The following WDR12 variants were observed in gnomAD, a reference collection of about 807,000 sequenced individuals.
The protein encoded by WDR12 is WD repeat domain 12.
WDR12 carries 42 observed loss-of-function variants against 64.3 expected under a neutral mutation model. The ratio of observed to expected loss-of-function variants is 0.65; its 90% CI spans 0.51 to 0.84. WDR12 has a LOEUF of 0.84. WDR12 is among the 40% of genes least tolerant of loss of function. WDR12 has a pLI of 0.00. For missense variants in WDR12, 469 were observed against 494.6 expected (o/e 0.95, Z 0.49); for synonymous variants, 158 against 173.3 (o/e 0.91, Z 0.70).
chr2:202,880,866 C>A lies in WDR12; in HGVS notation c.1266G>T (p.Gly422=). Residue 422 remains glycine, a synonymous_variant, in exon 13 of 13, where the codon GGG becomes GGT. Transcript: ENST00000261015. ...GTCAAATTATTGTTCACTTTCATGCCCCAACATGGGAAGTGGTAGGTGAAT... is the reference window on the plus strand; with the variant it reads ...GTCAAATTATTGTTCACTTTCATGCACCAACATGGGAAGTGGTAGGTGAAT... ...YRYSPTTSHV[G]A 3 of 1,608,702 alleles carry A rather than the reference C, an allele frequency of 1.9e-6. No homozygotes were observed. Among genetic ancestry groups the A allele is most frequent in the Non-Finnish European group, 2.5e-6 (3 of 1,177,542 alleles).
At chr2:202,889,867 T>C (rs1239925860) in intron 8 of WDR12, among the ~76,000 whole-genome samples, 1 of 150,826 alleles carries the variant, frequency 6.6e-6, no homozygotes, top group African/African-American at 2.4e-5. Flanking sequence ...AGCTGAGCCA[T>C]GATTATGCCA....
At chr2:202,909,300 G>A (rs1688521336) in intron 1 of WDR12, among the ~76,000 whole-genome samples, 1 of 152,212 alleles carries the variant, frequency 6.6e-6, no homozygotes, top group Admixed American at 6.5e-5. Context: ...CCCACCAGCT[G>A]ATGAATGGAA....
Position 202,881,413 on chromosome 2 carries a change from T to C in WDR12, c.1195-476A>G, listed in dbSNP as rs371355270. Among the ~76,000 whole-genome samples, 4 of 152,166 alleles carry C rather than the reference T, an allele frequency of 2.6e-5. No individual in the cohort carries two copies. The East Asian group carries it at 7.7e-4, about 29-fold the overall frequency. On this transcript the variant is annotated intron_variant, in intron 12 of 12. Transcript: ENST00000261015. ...TTTTATAATGCAGACTTATGCAAGA[T>C]TTTTCCAACTGGTAAACACTTTGAT... is the stretch of plus-strand genomic sequence containing the variant.
At chr2:202,907,330 T>C (rs1417528198) in intron 2 of WDR12, among the ~76,000 whole-genome samples, 1 of 152,242 alleles carries the variant, frequency 6.6e-6, no homozygotes, top group Non-Finnish European at 1.5e-5. Flanking sequence ...TACAATAGTA[T>C]ATATTTAATA....
intron 8 of WDR12, among the ~76,000 whole-genome samples, chr2:202,890,996 TAA>T (rs71030997): frequency 1.8e-5 from 2 of 111,166 alleles, no homozygotes; most frequent in African/African-American, 6.9e-5. Flanking sequence ...TTTGTCTCTT[TAA>T]AAAAAAAAAA....
In WDR12 at chr2:202,907,956, A is replaced by G. The variant is rs778544316; in HGVS notation, c.45T>C (p.Tyr15=). The part of the protein sequence containing the change: ...QTRFYTDNKK[Y]AVDDVPFSIP... ...TTGAGAAGGGAACATCATCTACGGC[A>G]TATCTATAAAAAGGAAATGATATGT... is the stretch of plus-strand genomic sequence containing the variant. Residue 15 remains tyrosine (Y), a synonymous_variant, in exon 2 of 13, where the codon TAT becomes TAC. Coordinates refer to ENST00000261015, the MANE Select transcript of WDR12 (RefSeq NM_018256.4). The G allele has an allele frequency of 6.2e-7, 1 of 1,613,824 alleles. No individual in the cohort carries two copies. Among genetic ancestry groups the G allele is most frequent in the African/African-American group, 1.3e-5 (1 of 75,060 alleles).
At chr2:202,894,765 G>A in intron 6 of WDR12, 139 bp from the exon 7 acceptor site, 1 of 619,354 alleles carries the variant, frequency 1.6e-6, no homozygotes, top group Non-Finnish European at 2.6e-6. Context: ...TTTTTCCAGG[G>A]GCAGATAGGA....
Position 202,877,599 on chromosome 2 carries a change from G to C in WDR12, c.*3261C>G, listed in dbSNP as rs1270579734. ...GGCCAGCTTGAGCCCAGAAGGTGGA[G>C]GTTGCAGTAAGCCAAGATTACACCA... On this transcript the variant is annotated 3_prime_UTR_variant, in exon 13 of 13. Transcript: ENST00000261015. 1.3e-5 allele frequency: 2 copies of C among 152,264 alleles called. No homozygotes were observed. The highest frequency in any genetic ancestry group is 4.8e-5 in the African/African-American group (2 of 41,464). 9.4% of individuals were successfully genotyped at this position (152,264 alleles called of 1,614,324 possible).
Position 202,877,324 on chromosome 2 carries a change from C to T in WDR12, c.*3536G>A, listed in dbSNP as rs1460821915. The T allele has an allele frequency of 6.6e-6, 1 of 151,892 alleles. No homozygotes were observed. Among genetic ancestry groups the T allele is most frequent in the Non-Finnish European group, 1.5e-5 (1 of 67,984 alleles). 9.4% of individuals were successfully genotyped at this position (151,892 alleles called of 1,614,324 possible). A position where few individuals can be genotyped will look rare whatever the true frequency, so the allele number is the denominator to read the frequency against. On this transcript the variant is annotated 3_prime_UTR_variant, in exon 13 of 13. Coordinates refer to ENST00000261015, the MANE Select transcript of WDR12 (RefSeq NM_018256.4). ...GAAAAGCTATGTTTTTCTACAAAGG[C>T]CCCACTATGCCTGGCCAAGTAATTT...
At chr2:202,897,144 C>A (rs1688259307) in intron 5 of WDR12, among the ~76,000 whole-genome samples, 156 bp downstream of exon 5, 1 of 151,884 alleles carries the variant, frequency 6.6e-6, no homozygotes, top group Non-Finnish European at 1.5e-5. Flanking sequence ...TTTATATAAT[C>A]TTTTTCTTCT....
At chr2:202,910,551 A>G (rs1688569135) in intron 1 of WDR12, among the ~76,000 whole-genome samples, 1 of 152,152 alleles carries the variant, frequency 6.6e-6, no homozygotes, top group Admixed American at 6.5e-5. Context: ...CAAACAAAAA[A>G]AAGCCCCACA....
At chr2:202,892,147 T>C (rs1335991457) in intron 8 of WDR12, among the ~76,000 whole-genome samples, 1 of 152,200 alleles carries the variant, frequency 6.6e-6, no homozygotes, top group Non-Finnish European at 1.5e-5. Context: ...ACTTTCTGAG[T>C]TTGACTTAAT....
At chr2:202,893,593 T>G (rs1688189723) in intron 7 of WDR12, among the ~76,000 whole-genome samples, 1 of 152,192 alleles carries the variant, frequency 6.6e-6, no homozygotes, top group Non-Finnish European at 1.5e-5. Context: ...TTGATCCCCC[T>G]CAAGTCTTTG....
chr2:202,880,888 G>T lies in WDR12; in HGVS notation c.1244C>A (p.Ser415Ter), dbSNP rs758729875. The T allele has an allele frequency of 1.9e-6, 3 of 1,610,214 alleles. No individual in the cohort carries two copies. In the Admixed American group the frequency reaches 5.0e-5, roughly 27 times the overall value. Reference protein sequence around the residue: ...ADNKLYSYRYSPTTSHVGA With the variant: ...ADNKLYSYRY ...TGCCCCAACATGGGAAGTGGTAGGT[G>T]AATATCTGTAGGAATACAATTTATT... The change falls in exon 13 of 13, where the codon TCA becomes TAA. Residue 415 changes from serine to a stop codon, truncating the protein, a stop_gained. Transcript: ENST00000261015. LOFTEE classifies it high-confidence loss of function.
chr2:202,874,929 C>A lies in WDR12; in HGVS notation c.*5931G>T, dbSNP rs1263873622. The A allele has an allele frequency of 6.6e-6, 1 of 152,204 alleles. No homozygotes were observed. Among genetic ancestry groups the A allele is most frequent in the Non-Finnish European group, 1.5e-5 (1 of 68,038 alleles). The allele number at this position is 152,204 out of a possible 1,614,324, so 9.4% of individuals were successfully genotyped here. A position where few individuals can be genotyped will look rare whatever the true frequency, so the allele number is the denominator to read the frequency against. On this transcript the variant is annotated 3_prime_UTR_variant, in exon 13 of 13. Transcript: ENST00000261015. Reference sequence around the variant, plus strand: ...TAAAAATTATTTCCTCCCCCTGAAACCACTGAACTTCATCTGGTATTAAGT... The same window carrying A: ...TAAAAATTATTTCCTCCCCCTGAAAACACTGAACTTCATCTGGTATTAAGT...
chr2:202,895,298 TTAAC>T (rs1193771654), intron 6 of WDR12, among the ~76,000 whole-genome samples: 1 of 152,192 alleles, frequency 6.6e-6, no homozygotes. Flanking sequence ...TTGTTACCTT[TTAAC>T]TAACTTTTAC....
chr2:202,898,489 T>C (rs1452587247), intron 4 of WDR12, among the ~76,000 whole-genome samples: 1 of 152,186 alleles, frequency 6.6e-6, no homozygotes, highest in East Asian at 1.9e-4. Flanking sequence ...GTGAAAACCA[T>C]TTAAACTAAA....
rs367708651 is a variant in WDR12, at chr2:202,907,039, C to G, written c.136+826G>C. On this transcript the variant is annotated intron_variant, in intron 2 of 12. Transcript: ENST00000261015. ...TCTTGGCTCACTGCAACCTCCGCCT[C>G]CCGGGTTCAAGCAATTCTCCTGCCT... Among the ~76,000 whole-genome samples, 6 of 151,978 alleles carry G rather than the reference C, an allele frequency of 3.9e-5. No individual in the cohort carries two copies. The East Asian group carries it at 9.7e-4, about 25-fold the overall frequency.
chr2:202,909,609 TATG>T (rs1267246752), intron 1 of WDR12, among the ~76,000 whole-genome samples: 1 of 152,088 alleles, frequency 6.6e-6, no homozygotes, highest in Non-Finnish European at 1.5e-5. Flanking sequence ...ACTTTGCAAA[TATG>T]ATGCTGATGA....
Sources: allele counts gnomAD v4.1 joint callset (sites outside exome capture counted in the v4.1 genomes callset), GRCh38; gene constraint gnomAD v4.1.1; transcripts MANE v1.5; gene names NCBI Gene and HGNC (gene_info 2026-07-23, HGNC 2026-07-21).